DACH1: variants seen among roughly 807,000 people sequenced by gnomAD.
DACH1 encodes dachshund family transcription factor 1.
Under a neutral mutation model 54.2 loss-of-function variants are expected in DACH1, and 12 were observed. That is an observed-to-expected ratio of 0.22 (90% CI 0.14 to 0.36). DACH1 has a LOEUF of 0.36. Among genes scored for constraint, DACH1 ranks in the 10% least tolerant of loss-of-function variants. The probability of loss-of-function intolerance (pLI) is 1.00; values close to 1 mark genes in which losing one functional copy is unlikely to be tolerated. For missense variants in DACH1, 805 were observed against 929.8 expected, an observed-to-expected ratio of 0.87 and a Z score of 1.75; for synonymous variants, 386 against 366.2, an observed-to-expected ratio of 1.05 and a Z score of -0.62.
At position 71,594,510 on chromosome 13, in the gene DACH1, C is replaced by T. The variant is rs1288559581; in HGVS notation, c.1127-21498G>A. On this transcript the variant is annotated intron_variant, in intron 3 of 10. Coordinates refer to ENST00000613252, the MANE Select transcript of DACH1 (RefSeq NM_080759.6). ...TAAAAATTACTGTCAACAATGTAGA[C>T]CAGCCATAAAATTCAATTAAAAATC... Among the ~76,000 whole-genome samples, 4 of 152,116 alleles carry T rather than the reference C, an allele frequency of 2.6e-5. No individual in the cohort carries two copies. The East Asian group carries it at 5.8e-4, about 22-fold the overall frequency.
intron 1 of DACH1, among the ~76,000 whole-genome samples, chr13:71,708,505 T>C (rs1882553398): frequency 6.6e-6 from 1 of 152,170 alleles, no homozygotes. Flanking sequence ...TAATAAAACA[T>C]TTGAATAGAA....
At chr13:71,800,182 G>A (rs1175128047) in intron 1 of DACH1, among the ~76,000 whole-genome samples, 1 of 151,896 alleles carries the variant, frequency 6.6e-6, no homozygotes, top group African/African-American at 2.4e-5. Flanking sequence ...GGTTCCATTC[G>A]GCTCTCAAAC....
rs141152774 is a variant in DACH1 at position 71,537,226 on chromosome 13, T to C, written c.1570+19798A>G. Among the ~76,000 whole-genome samples, 138 of 152,152 alleles carry C rather than the reference T, an allele frequency of 9.1e-4. 1 individual carries two copies. In the East Asian group the frequency reaches 0.019, roughly 21 times the overall value. ...GCCTAAAATGTCTCCCCAGCTCCACTGCACCAGAACTTGCCATGACTGCCT... is the reference window on the plus strand; with the variant it reads ...GCCTAAAATGTCTCCCCAGCTCCACCGCACCAGAACTTGCCATGACTGCCT... On this transcript the variant is annotated intron_variant, in intron 6 of 10. Coordinates refer to ENST00000613252, the MANE Select transcript of DACH1 (RefSeq NM_080759.6).
At chr13:71,596,501 A>C (rs1874107716) in intron 3 of DACH1, among the ~76,000 whole-genome samples, 1 of 152,218 alleles carries the variant, frequency 6.6e-6, no homozygotes, top group South Asian at 2.1e-4. Context: ...TTGTACTTGT[A>C]ATAACTGTGC....
chr13:71,774,443 T>C (rs1885982251), intron 1 of DACH1, among the ~76,000 whole-genome samples: 1 of 152,124 alleles, frequency 6.6e-6, no homozygotes, highest in African/African-American at 2.4e-5. Context: ...TGAGACACTG[T>C]AGGTTTCAAG....
intron 3 of DACH1, among the ~76,000 whole-genome samples, chr13:71,589,075 T>C (rs1873499512): frequency 6.6e-6 from 1 of 152,030 alleles, no homozygotes; most frequent in Non-Finnish European, 1.5e-5. Context: ...TCTGCACTCA[T>C]ACGAACCACT....
chr13:71,615,511 A>G (rs1034673497), intron 3 of DACH1, among the ~76,000 whole-genome samples: 1 of 152,196 alleles, frequency 6.6e-6, no homozygotes, highest in Non-Finnish European at 1.5e-5. Flanking sequence ...TTATTGATTT[A>G]TTTTTAAAAA....
intron 1 of DACH1, among the ~76,000 whole-genome samples, chr13:71,858,733 G>A (rs1480131850): frequency 6.6e-6 from 1 of 151,612 alleles, no homozygotes. Flanking sequence ...GATTCCACAT[G>A]TAAGTGATAT....
chr13:71,798,132 A>G (rs1175059984), intron 1 of DACH1, among the ~76,000 whole-genome samples: 1 of 151,866 alleles, frequency 6.6e-6, no homozygotes, highest in Non-Finnish European at 1.5e-5. Flanking sequence ...TAAATTAAGA[A>G]AGAAAGCAGG....
chr13:71,616,916 T>C (rs1875817814), intron 3 of DACH1, among the ~76,000 whole-genome samples: 1 of 151,214 alleles, frequency 6.6e-6, no homozygotes. Context: ...AGTTTCGCTC[T>C]TGTTGCCCAG....
At chr13:71,837,000 A>G (rs957319263) in intron 1 of DACH1, among the ~76,000 whole-genome samples, 7 of 151,518 alleles carry the variant, frequency 4.6e-5, no homozygotes, top group Non-Finnish European at 7.4e-5. Context: ...TCATCACTTT[A>G]TACACACACA....
At position 71,751,924 on chromosome 13, in the gene DACH1, C is replaced by G. The variant is rs118062782; in HGVS notation, c.849-70014G>C. Among the ~76,000 whole-genome samples, 123 of 152,202 alleles carry G rather than the reference C, an allele frequency of 8.1e-4. No individual in the cohort carries two copies. The East Asian group carries it at 0.02, about 25-fold the overall frequency. ...TAAAAACTTTTATGTGTGAATTCTA[C>G]TATTATGTATCACCCAATTTATGGC... is the stretch of plus-strand genomic sequence containing the variant. On this transcript the variant is annotated intron_variant, in intron 1 of 10. Coordinates refer to ENST00000613252, the MANE Select transcript of DACH1 (RefSeq NM_080759.6).
intron 1 of DACH1, among the ~76,000 whole-genome samples, chr13:71,802,438 TA>T (rs1296323421): frequency 6.6e-6 from 1 of 152,074 alleles, no homozygotes; most frequent in South Asian, 2.1e-4. Context: ...AAAGCATATT[TA>T]ATCTGTTCTG....
chr13:71,581,382 GC>G, intron 3 of DACH1, among the ~76,000 whole-genome samples: 1 of 152,130 alleles, frequency 6.6e-6, no homozygotes, highest in Non-Finnish European at 1.5e-5. Flanking sequence ...CTTCTGCCCA[GC>G]CTCCAGAGTA....
chr13:71,556,549 G>A (rs1017738315), intron 6 of DACH1, among the ~76,000 whole-genome samples: 1 of 152,052 alleles, frequency 6.6e-6, no homozygotes, highest in Non-Finnish European at 1.5e-5. Flanking sequence ...TGTAGAACCT[G>A]AGGTTTCTTG....
intron 2 of DACH1, among the ~76,000 whole-genome samples, chr13:71,671,746 C>T (rs747264263): frequency 1.8e-4 from 27 of 151,982 alleles, no homozygotes; most frequent in Non-Finnish European, 2.7e-4. Flanking sequence ...ATAGAAAAAC[C>T]GTGGCTAACA....
At chr13:71,580,341 T>C (rs1329005914) in intron 3 of DACH1, among the ~76,000 whole-genome samples, 1 of 152,212 alleles carries the variant, frequency 6.6e-6, no homozygotes, top group Non-Finnish European at 1.5e-5. Flanking sequence ...ACCAATGAAC[T>C]AGAAATTCTT....
chr13:71,866,032 T>A lies in DACH1; in HGVS notation c.738A>T (p.Glu246Asp), dbSNP rs1197847839. Residue 246 changes from glutamate to aspartate, a missense_variant, in exon 1 of 11, where the codon GAA becomes GAT. By Grantham distance (45) the Glu-to-Asp change is conservative. This residue lies in a region of DACH1 where 28 missense variants were observed against 75.7 expected (regional missense o/e 0.37). Coordinates refer to ENST00000613252, the MANE Select transcript of DACH1 (RefSeq NM_080759.6). ...LEITPVVCNV[E>D]QVRILRGLGA... ...CCAGTCCCCTCAGGATGCGAACTTG[T>A]TCCACATTGCACACCACCGGCGTGA... is the stretch of plus-strand genomic sequence containing the variant. The A allele has an allele frequency of 6.2e-7, 1 of 1,613,704 alleles. No homozygotes were observed.
At chr13:71,782,195 C>T (rs1566497151) in intron 1 of DACH1, among the ~76,000 whole-genome samples, 1 of 152,172 alleles carries the variant, frequency 6.6e-6, no homozygotes, top group Non-Finnish European at 1.5e-5. Context: ...AATCCCAGCA[C>T]TTTAGGAGGC....
Sources: gnomAD v4.1 joint callset for allele counts (sites outside exome capture counted in the v4.1 genomes callset) on GRCh38, gnomAD v4.1.1 for gene constraint, gnomAD v4.1.1 regional missense constraint, MANE v1.5 for transcripts, NCBI Gene and HGNC (gene_info 2026-07-23, HGNC 2026-07-21) for gene names.